Variants in SLC24A2 observed in about 807,000 individuals in gnomAD.
SLC24A2 encodes the protein sodium/potassium/calcium exchanger 2.
SLC24A2 carries 36 observed loss-of-function variants against 62.0 expected under a neutral mutation model. That is an observed-to-expected ratio of 0.58 (90% CI 0.44 to 0.77). SLC24A2 has a LOEUF of 0.77. Among genes scored for constraint, SLC24A2 ranks in the 30% least tolerant of loss-of-function variants. SLC24A2 has a pLI of 0.00. For synonymous variants in SLC24A2, 358 were observed against 294.0 expected, an observed-to-expected ratio of 1.22 and a Z score of -2.23; for missense variants, 846 against 817.9, an observed-to-expected ratio of 1.03 and a Z score of -0.42.
chr9:19,851,745 G>A, the SLC24A2 span, among the ~76,000 whole-genome samples: 261 of 152,250 alleles, frequency 1.7e-3, 1 homozygote, highest in African/African-American at 6.1e-3. Flanking sequence ...GGGCTTTGAG[G>A]TTGACTCCAT....
the SLC24A2 span, among the ~76,000 whole-genome samples, chr9:19,916,981 G>GTTTTTTTTT: frequency 2.4e-4 from 17 of 72,014 alleles, 1 homozygote; most frequent in African/African-American, 3.2e-4. Context: ...TAACTTACCT[G>GTTTTTTTTT]TTTTTTTTTT....
the SLC24A2 span, among the ~76,000 whole-genome samples, chr9:20,102,498 G>T: frequency 7.5e-4 from 113 of 150,868 alleles, no homozygotes; most frequent in East Asian, 0.015. Context: ...GTGAGGGGGT[G>T]GGGGGGGAAG....
At chr9:20,270,939 G>C in the SLC24A2 span, among the ~76,000 whole-genome samples, 1 of 152,242 alleles carries the variant, frequency 6.6e-6, no homozygotes, top group African/African-American at 2.4e-5. Flanking sequence ...TTTGTTCTTT[G>C]GAATCCAGTT....
chr9:20,246,240 C>G, the SLC24A2 span, among the ~76,000 whole-genome samples: 1 of 152,162 alleles, frequency 6.6e-6, no homozygotes, highest in Non-Finnish European at 1.5e-5. Flanking sequence ...GGAGTTATAG[C>G]ATCATCTAAA....
chr9:20,262,187 T>A, the SLC24A2 span, among the ~76,000 whole-genome samples: 1 of 152,222 alleles, frequency 6.6e-6, no homozygotes, highest in Non-Finnish European at 1.5e-5. Context: ...TCCAGCTTAC[T>A]CAGGGTTTTA....
intron 7 of SLC24A2, among the ~76,000 whole-genome samples, chr9:19,566,248 T>A: frequency 1.3e-5 from 2 of 148,958 alleles, no homozygotes; most frequent in African/African-American, 2.5e-5. Flanking sequence ...GAATCTACAA[T>A]GAACTCAAAC....
intron 2 of SLC24A2, among the ~76,000 whole-genome samples, chr9:19,740,905 C>G (rs1439030238): frequency 3.3e-5 from 5 of 150,894 alleles, no homozygotes; most frequent in Non-Finnish European, 7.4e-5. Flanking sequence ...AAACTATTCA[C>G]AGAGACCCAC....
chr9:19,709,269 G>A (rs1820636580), intron 2 of SLC24A2, among the ~76,000 whole-genome samples: 3 of 151,934 alleles, frequency 2.0e-5, no homozygotes. Context: ...GTGCTGGAGA[G>A]GATGTGGAGA....
intron 8 of SLC24A2, among the ~76,000 whole-genome samples, chr9:19,533,776 G>A (rs1833819049): frequency 6.6e-6 from 1 of 152,216 alleles, no homozygotes; most frequent in African/African-American, 2.4e-5. Context: ...AAGCCACTAG[G>A]TTGGGGTGGT....
At chr9:20,200,119 G>A in the SLC24A2 span, among the ~76,000 whole-genome samples, 4 of 151,380 alleles carry the variant, frequency 2.6e-5, no homozygotes, top group East Asian at 1.9e-4. Context: ...ACTAGATACC[G>A]GTTAACACTG....
At chr9:20,273,876 G>T in the SLC24A2 span, among the ~76,000 whole-genome samples, 8 of 152,074 alleles carry the variant, frequency 5.3e-5, no homozygotes, top group East Asian at 5.8e-4. Flanking sequence ...CATTTCTTTG[G>T]GTCTTCATTT....
At chr9:19,570,956 G>A (rs1400483038) in intron 7 of SLC24A2, among the ~76,000 whole-genome samples, 1 of 152,210 alleles carries the variant, frequency 6.6e-6, no homozygotes, top group African/African-American at 2.4e-5. Context: ...AATCTGTCCT[G>A]TTCCCCTTTG....
chr9:20,009,487 G>A, the SLC24A2 span, among the ~76,000 whole-genome samples: 4 of 151,868 alleles, frequency 2.6e-5, no homozygotes, highest in African/African-American at 2.4e-5. Context: ...AGCAATGGAG[G>A]TGCCACATCA....
chr9:19,987,922 G>C, the SLC24A2 span, among the ~76,000 whole-genome samples: 1 of 152,124 alleles, frequency 6.6e-6, no homozygotes, highest in African/African-American at 2.4e-5. Context: ...TTGTGTTCGT[G>C]CCCTATAAGC....
At chr9:20,154,571 G>T in the SLC24A2 span, among the ~76,000 whole-genome samples, 1 of 151,484 alleles carries the variant, frequency 6.6e-6, no homozygotes, top group Non-Finnish European at 1.5e-5. Context: ...TGACTCTATA[G>T]GTATCAGTCA....
intron 8 of SLC24A2, among the ~76,000 whole-genome samples, chr9:19,535,578 C>G (rs1352460735): frequency 6.6e-6 from 1 of 152,162 alleles, no homozygotes; most frequent in Non-Finnish European, 1.5e-5. Context: ...TGTGACTAGC[C>G]AATTTTCCCA....
At chr9:20,050,935 A>G in the SLC24A2 span, among the ~76,000 whole-genome samples, 1 of 152,208 alleles carries the variant, frequency 6.6e-6, no homozygotes, top group South Asian at 2.1e-4. Context: ...GAAGAAAACT[A>G]GAAAAAAAGT....
chr9:20,297,841 C>T, the SLC24A2 span, among the ~76,000 whole-genome samples: 1 of 152,218 alleles, frequency 6.6e-6, no homozygotes, highest in Non-Finnish European at 1.5e-5. Context: ...GCTCACAGCC[C>T]CACGCTCCAC....
chr9:19,778,958 C>A (rs1027506935), intron 2 of SLC24A2, among the ~76,000 whole-genome samples: 1 of 151,984 alleles, frequency 6.6e-6, no homozygotes, highest in African/African-American at 2.4e-5. Flanking sequence ...AGCTACCTAA[C>A]AGATTTGAAA....
Sources: allele counts gnomAD v4.1 joint callset (sites outside exome capture counted in the v4.1 genomes callset), GRCh38; gene constraint gnomAD v4.1.1; transcripts MANE v1.5; gene names NCBI Gene and HGNC (gene_info 2026-07-23, HGNC 2026-07-21).